Variants in WWOX observed in about 807,000 individuals in gnomAD.
WWOX encodes WW domain containing oxidoreductase, also known as WW domain-containing oxidoreductase.
Under a neutral mutation model 46.2 loss-of-function variants are expected in WWOX, and 69 were observed. The observed-to-expected ratio is 1.49, with a 90% CI of 1.23 to 1.82. WWOX has a LOEUF of 1.82. WWOX is among the 40% of genes most tolerant of loss of function. WWOX has a pLI of 0.00. For missense variants in WWOX, 919 were observed against 542.6 expected, an observed-to-expected ratio of 1.69 and a Z score of -6.89; for synonymous variants, 359 against 202.6, an observed-to-expected ratio of 1.77 and a Z score of -6.56.
intron 8 of WWOX, among the ~76,000 whole-genome samples, chr16:78,817,951 C>T (rs1158223516): frequency 6.6e-6 from 1 of 152,140 alleles, no homozygotes; most frequent in Non-Finnish European, 1.5e-5. Context: ...GTGAAGAACA[C>T]GTGCCTTGGA....
intron 8 of WWOX, among the ~76,000 whole-genome samples, chr16:78,615,807 G>C (rs1415744057): frequency 6.6e-6 from 1 of 151,310 alleles, no homozygotes; most frequent in Non-Finnish European, 1.5e-5. Context: ...CTGGAGTGCA[G>C]TGGCACAGTC....
chr16:78,735,687 C>T (rs914297944), intron 8 of WWOX, among the ~76,000 whole-genome samples: 1 of 152,200 alleles, frequency 6.6e-6, no homozygotes, highest in Admixed American at 6.5e-5. Context: ...GTCACCACGG[C>T]CACCGTGATG....
At chr16:79,058,948 G>T (rs545550392) in intron 8 of WWOX, among the ~76,000 whole-genome samples, 8 of 152,140 alleles carry the variant, frequency 5.3e-5, no homozygotes, top group Non-Finnish European at 1.2e-4. Flanking sequence ...ATCAGTAAAG[G>T]TAACACATAG....
In WWOX at chr16:79,069,228, A is replaced by G. The variant is rs145532585; in HGVS notation, c.1057-142380A>G. 3.6e-3 allele frequency among the ~76,000 whole-genome samples: 543 copies of G among 152,326 alleles called. 1 individual carries two copies. Among genetic ancestry groups the G allele is most frequent in the Non-Finnish European group, 6.0e-3 (406 of 68,024 alleles). ...GAAAATAAAGAAAACTTCAGCATGTAGCAAGTAGTTGTGAGTACGATTAAT... is the reference window on the plus strand; with the variant it reads ...GAAAATAAAGAAAACTTCAGCATGTGGCAAGTAGTTGTGAGTACGATTAAT... On this transcript the variant is annotated intron_variant, in intron 8 of 8. Coordinates refer to ENST00000566780, the MANE Select transcript of WWOX (RefSeq NM_016373.4).
chr16:79,155,990 C>G (rs1179314174), intron 8 of WWOX, among the ~76,000 whole-genome samples: 2 of 151,914 alleles, frequency 1.3e-5, no homozygotes, highest in African/African-American at 4.8e-5. Context: ...ACTCATAACT[C>G]ACTTAGTCAT....
At chr16:79,174,162 A>T (rs1372598421) in intron 8 of WWOX, among the ~76,000 whole-genome samples, 2 of 152,206 alleles carry the variant, frequency 1.3e-5, no homozygotes, top group African/African-American at 4.8e-5. Context: ...ATACCGGGAC[A>T]CGTATTGTAG....
At chr16:78,330,124 T>C (rs2080720753) in intron 5 of WWOX, among the ~76,000 whole-genome samples, 1 of 152,172 alleles carries the variant, frequency 6.6e-6, no homozygotes, top group African/African-American at 2.4e-5. Context: ...TTAAAATACC[T>C]AAATGCCTAA....
intron 8 of WWOX, chr16:79,004,055 C>G (rs1019589654): frequency 2.0e-5 from 3 of 152,166 alleles, no homozygotes; most frequent in African/African-American, 4.8e-5. Context: ...ACCATGCCTT[C>G]CCAGTCTCTG....
In WWOX at chr16:78,350,516, T is replaced by A. The variant is rs1246611820; in HGVS notation, c.517-36344T>A. Among the ~76,000 whole-genome samples the A allele has an allele frequency of 3.3e-5, 4 of 121,430 alleles. No individual in the cohort carries two copies. In the East Asian group the frequency reaches 7.7e-4, roughly 23 times the overall value. The allele number at this position is 121,430 out of a possible 152,430, so 79.7% of individuals were successfully genotyped here. A position where few individuals can be genotyped will look rare whatever the true frequency, so the allele number is the denominator to read the frequency against. On this transcript the variant is annotated intron_variant, in intron 5 of 8. Coordinates refer to ENST00000566780, the MANE Select transcript of WWOX (RefSeq NM_016373.4). ...CATCTACTTTCTGTCTCTATATAGA[T>A]TTGCCTATTCTAGACTTTTCATATA...
chr16:78,741,987 A>C (rs11867012), intron 8 of WWOX, among the ~76,000 whole-genome samples: 1,676 of 152,252 alleles, frequency 0.011, 35 homozygotes, highest in African/African-American at 0.038. Context: ...CTCCCTCCTT[A>C]CCTGCCTCCT....
chr16:78,444,853 G>C (rs1439886139), intron 8 of WWOX, among the ~76,000 whole-genome samples: 3 of 152,136 alleles, frequency 2.0e-5, no homozygotes, highest in Non-Finnish European at 2.9e-5. Flanking sequence ...TCTTTCAATG[G>C]AATATATTTG....
intron 5 of WWOX, among the ~76,000 whole-genome samples, chr16:78,376,758 A>C (rs1030872719): frequency 6.6e-6 from 1 of 152,188 alleles, no homozygotes; most frequent in African/African-American, 2.4e-5. Flanking sequence ...GTCTGCTAGC[A>C]GTTAGAATGG....
intron 8 of WWOX, among the ~76,000 whole-genome samples, chr16:78,909,847 C>T (rs1442924026): frequency 6.6e-6 from 1 of 152,192 alleles, no homozygotes; most frequent in African/African-American, 2.4e-5. Context: ...TCCATAAATA[C>T]TGCTTGGCAA....
At chr16:78,767,394 C>G (rs2049948584) in intron 8 of WWOX, among the ~76,000 whole-genome samples, 1 of 151,978 alleles carries the variant, frequency 6.6e-6, no homozygotes, top group Admixed American at 6.6e-5. Context: ...CTGGGCTTCC[C>G]AAAGCGCTGA....
chr16:79,163,816 AAGAG>A (rs1289723530), intron 8 of WWOX, among the ~76,000 whole-genome samples: 28 of 124,528 alleles, frequency 2.2e-4, no homozygotes, highest in Non-Finnish European at 3.1e-4. Flanking sequence ...AAAAAAAAAA[AAGAG>A]AGAGAGAATA....
chr16:78,718,133 G>C (rs1031548066), intron 8 of WWOX, among the ~76,000 whole-genome samples: 1 of 68,200 alleles, frequency 1.5e-5, no homozygotes, highest in Non-Finnish European at 2.9e-5. Context: ...AGAAAGTATG[G>C]GCCATTGCAT....
At chr16:78,771,088 C>G (rs1158709321) in intron 8 of WWOX, among the ~76,000 whole-genome samples, 1 of 152,176 alleles carries the variant, frequency 6.6e-6, no homozygotes, top group Non-Finnish European at 1.5e-5. Flanking sequence ...TGCAAGTAAG[C>G]CAGCTGCAAC....
intron 8 of WWOX, among the ~76,000 whole-genome samples, chr16:78,710,500 T>TATATATATATATATATATATATATG (rs1567507587): frequency 1.5e-5 from 1 of 68,584 alleles, no homozygotes; most frequent in Non-Finnish European, 3.1e-5. Context: ...ATATATATAT[T>TATATATATATATATATATATATATG]TATATAAATA....
intron 4 of WWOX, among the ~76,000 whole-genome samples, chr16:78,129,232 G>A (rs917717581): frequency 6.6e-6 from 1 of 152,074 alleles, no homozygotes; most frequent in Non-Finnish European, 1.5e-5. Flanking sequence ...TAGTCTTGTT[G>A]GTGTGTCATC....
Sources: gnomAD v4.1 joint callset for allele counts (sites outside exome capture counted in the v4.1 genomes callset) on GRCh38, gnomAD v4.1.1 for gene constraint, MANE v1.5 for transcripts, NCBI Gene and HGNC (gene_info 2026-07-23, HGNC 2026-07-21) for gene names.